Variants in DNAH11 observed in about 807,000 individuals in gnomAD.
DNAH11 encodes dynein axonemal heavy chain 11, also known as axonemal beta dynein heavy chain 11.
DNAH11 carries 442 observed loss-of-function variants against 526.0 expected under a neutral mutation model. The ratio of observed to expected loss-of-function variants is 0.84; its 90% CI spans 0.78 to 0.91. DNAH11 has a LOEUF of 0.91. Among genes scored for constraint, DNAH11 ranks in the 40% least tolerant of loss-of-function variants. The probability of loss-of-function intolerance (pLI) is 0.00; values close to 1 mark genes in which losing one functional copy is unlikely to be tolerated. For synonymous variants in DNAH11, 2,461 were observed against 1,935.9 expected (o/e 1.27, Z -7.12); for missense variants, 6,989 against 5,448.7 (o/e 1.28, Z -8.90).
intron 66 of DNAH11, among the ~76,000 whole-genome samples, chr7:21,846,386 A>G (rs1425193566): frequency 1.3e-5 from 2 of 152,162 alleles, no homozygotes; most frequent in African/African-American, 4.8e-5. Flanking sequence ...TATCACGTTA[A>G]GAAAGTTCCC....
chr7:21,650,015 G>T (rs1046438303), intron 28 of DNAH11, among the ~76,000 whole-genome samples: 2 of 151,810 alleles, frequency 1.3e-5, no homozygotes, highest in African/African-American at 4.8e-5. Context: ...TGCTTACTTT[G>T]TTAAAATTTA....
intron 66 of DNAH11, among the ~76,000 whole-genome samples, chr7:21,843,348 G>A (rs916729568): frequency 2.6e-5 from 4 of 152,006 alleles, no homozygotes; most frequent in African/African-American, 9.7e-5. Flanking sequence ...AAGGGGTGAG[G>A]AAGTGATATA....
chr7:21,801,250 C>T lies in DNAH11; in HGVS notation c.10140C>T (p.Asn3380=). 6.2e-7 allele frequency: 1 copy of T among 1,613,924 alleles called. No individual in the cohort carries two copies. The highest frequency in any genetic ancestry group is 8.5e-7 in the Non-Finnish European group (1 of 1,179,846). ...NQTNKTIKLA[N]RLVKELEAKK... is the part of the protein sequence containing the mutation. ...CCAACAAAACCATCAAATTAGCTAACAGACTTGTCAAGGAACTTGAGGCAA... is the reference window on the plus strand; with the variant it reads ...CCAACAAAACCATCAAATTAGCTAATAGACTTGTCAAGGAACTTGAGGCAA... The change falls in exon 62 of 82, where the codon AAC becomes AAT. Residue 3380 remains asparagine, a synonymous_variant. Transcript: ENST00000409508.
intron 66 of DNAH11, among the ~76,000 whole-genome samples, chr7:21,849,824 A>G (rs771693993): frequency 6.6e-6 from 1 of 152,118 alleles, no homozygotes; most frequent in South Asian, 2.1e-4. Flanking sequence ...TTAATGTTCT[A>G]TGGGTGTCCT....
At chr7:21,794,191 C>G (rs1485137324) in intron 61 of DNAH11, among the ~76,000 whole-genome samples, 1 of 152,118 alleles carries the variant, frequency 6.6e-6, no homozygotes, top group Non-Finnish European at 1.5e-5. Context: ...TCTTAAACTA[C>G]TATTTTGAAT....
At chr7:21,683,331 A>G (rs1039917612) in intron 31 of DNAH11, among the ~76,000 whole-genome samples, 2 of 152,354 alleles carry the variant, frequency 1.3e-5, no homozygotes, top group Admixed American at 6.5e-5. Flanking sequence ...GTGATTAAAA[A>G]CAAAGCAGAA....
Position 21,705,555 on chromosome 7 carries a change from A to C in DNAH11, c.6546+18A>C, listed in dbSNP as rs752908677. 2.5e-6 allele frequency: 4 copies of C among 1,610,732 alleles called. No homozygotes were observed. The Admixed American group carries it at 6.7e-5, about 27-fold the overall frequency. ...AGAGTAAGGTATAGTAAATTGCCTA[A>C]TAGCTTACAGCTATGGAAAGAACAT... On this transcript the variant is annotated intron_variant, in intron 39 of 81. Coordinates refer to ENST00000409508, the MANE Select transcript of DNAH11 (RefSeq NM_001277115.2).
chr7:21,626,168 C>T (rs1218547596), intron 25 of DNAH11, among the ~76,000 whole-genome samples: 3 of 151,960 alleles, frequency 2.0e-5, no homozygotes, highest in Non-Finnish European at 2.9e-5. Flanking sequence ...CTTATGAGAC[C>T]CGCTTTTTAA....
Position 21,680,994 on chromosome 7 carries a change from G to T in DNAH11, c.5329-552G>T, listed in dbSNP as rs1436525784. 4.6e-5 allele frequency among the ~76,000 whole-genome samples: 7 copies of T among 152,176 alleles called. 1 individual carries two copies. The highest frequency in any genetic ancestry group is 4.6e-4 in the Admixed American group (7 of 15,276). Reference sequence around the variant, plus strand: ...ATCATTAGGGTAGAGGGTCAGTCCAGTGCAGCCGGGAAACCCTGTGTCTTC... The same window carrying T: ...ATCATTAGGGTAGAGGGTCAGTCCATTGCAGCCGGGAAACCCTGTGTCTTC... On this transcript the variant is annotated intron_variant, in intron 30 of 81. Transcript: ENST00000409508.
chr7:21,580,117 A>G (rs1784255788), intron 8 of DNAH11, among the ~76,000 whole-genome samples: 1 of 152,142 alleles, frequency 6.6e-6, no homozygotes, highest in African/African-American at 2.4e-5. Context: ...GTGCAGTTCT[A>G]AATTTGTTTT....
At chr7:21,611,980 AC>A (rs1785539122) in intron 20 of DNAH11, among the ~76,000 whole-genome samples, 2 of 152,150 alleles carry the variant, frequency 1.3e-5, no homozygotes, top group East Asian at 3.9e-4. Context: ...CTATGGACAA[AC>A]CTCTGGTGAA....
At chr7:21,773,619 G>T in intron 55 of DNAH11, 147 bp from the exon 56 acceptor site, 1 of 619,820 alleles carries the variant, frequency 1.6e-6, no homozygotes, top group Non-Finnish European at 2.7e-6. Context: ...TGTGGATAGC[G>T]CTTAAAGATT....
At chr7:21,564,056 T>TG in intron 5 of DNAH11, 130 bp from the exon 6 acceptor site, 1 of 619,158 alleles carries the variant, frequency 1.6e-6, no homozygotes, top group Non-Finnish European at 2.7e-6. Flanking sequence ...ATAAGTAATA[T>TG]AAAAGGAACT....
At chr7:21,589,979 A>G (rs1033311652) in intron 12 of DNAH11, among the ~76,000 whole-genome samples, 18 of 152,214 alleles carry the variant, frequency 1.2e-4, no homozygotes, top group African/African-American at 4.3e-4. Context: ...TTTAAAAAAC[A>G]TAAAACATAT....
At chr7:21,885,734 C>A (rs1049768639) in intron 76 of DNAH11, among the ~76,000 whole-genome samples, 1 of 152,052 alleles carries the variant, frequency 6.6e-6, no homozygotes. Context: ...TCAATATGTA[C>A]AATTATTATG....
chr7:21,801,519 A>T (rs1466742036), intron 62 of DNAH11, among the ~76,000 whole-genome samples: 3 of 152,246 alleles, frequency 2.0e-5, no homozygotes, highest in Non-Finnish European at 2.9e-5. Context: ...CAGGGAAGAC[A>T]TATACTTTAT....
chr7:21,707,641 C>T, intron 39 of DNAH11, 58 bp from the exon 40 acceptor site: 2 of 1,566,936 alleles, frequency 1.3e-6, no homozygotes, highest in Non-Finnish European at 1.7e-6. Context: ...AAATCTTTTA[C>T]TTTCCATTTG....
At chr7:21,663,116 A>T (rs962554823) in intron 30 of DNAH11, among the ~76,000 whole-genome samples, 20 of 152,018 alleles carry the variant, frequency 1.3e-4, no homozygotes, top group African/African-American at 4.3e-4. Context: ...GATGATAATG[A>T]CCTCTAGTTC....
At chr7:21,566,471 A>G (rs1208961336) in intron 6 of DNAH11, among the ~76,000 whole-genome samples, 1 of 152,188 alleles carries the variant, frequency 6.6e-6, no homozygotes, top group Non-Finnish European at 1.5e-5. Context: ...CTACTTTTAT[A>G]TAGTTATTTA....
Sources: gnomAD v4.1 joint callset for allele counts (sites outside exome capture counted in the v4.1 genomes callset) on GRCh38, gnomAD v4.1.1 for gene constraint, MANE v1.5 for transcripts, NCBI Gene and HGNC (gene_info 2026-07-23, HGNC 2026-07-21) for gene names.